ELAVL4: variants seen among roughly 807,000 people sequenced by gnomAD.
ELAVL4 encodes ELAV-like protein 4.
ELAVL4 carries 1 observed loss-of-function variant against 35.6 expected under a neutral mutation model. The ratio of observed to expected loss-of-function variants is 0.03; its 90% CI spans 0.01 to 0.13. The LOEUF is 0.13. ELAVL4 is among the 10% of genes least tolerant of loss of function. ELAVL4 has a pLI of 1.00. For missense variants in ELAVL4, 267 were observed against 464.9 expected (o/e 0.57, Z 3.91); for synonymous variants, 156 against 171.0 (o/e 0.91, Z 0.69).
intron 1 of ELAVL4, among the ~76,000 whole-genome samples, chr1:50,136,879 C>T (rs949583755): frequency 6.6e-6 from 1 of 152,082 alleles, no homozygotes; most frequent in African/African-American, 2.4e-5. Context: ...GTACAAGAAC[C>T]CTGCACTGGG....
chr1:50,089,312 G>GGC (rs1183732504), intron 1 of ELAVL4, among the ~76,000 whole-genome samples: 3 of 152,188 alleles, frequency 2.0e-5, no homozygotes, highest in Non-Finnish European at 4.4e-5. Flanking sequence ...TTAAATTAAA[G>GGC]ATGTAAGGCA....
chr1:50,098,793 C>A (rs1208964603), intron 1 of ELAVL4, among the ~76,000 whole-genome samples: 1 of 152,180 alleles, frequency 6.6e-6, no homozygotes, highest in Non-Finnish European at 1.5e-5. Context: ...ATATAGCATG[C>A]CTCTCTTGTT....
Position 50,201,290 on chromosome 1 carries a change from A to T in ELAVL4, c.*112A>T, listed in dbSNP as rs536486337. The T allele has an allele frequency of 7.6e-7, 1 of 1,319,574 alleles. No homozygotes were observed. Among genetic ancestry groups the T allele is most frequent in the Admixed American group, 3.1e-5 (1 of 32,246 alleles). The allele number at this position is 1,319,574 out of a possible 1,614,324, so 81.7% of individuals were successfully genotyped here. A position where few individuals can be genotyped will look rare whatever the true frequency, so the allele number is the denominator to read the frequency against. On this transcript the variant is annotated 3_prime_UTR_variant, in exon 7 of 7. Transcript: ENST00000371824. The surrounding 1 kb of genome is among the most constrained non-coding windows in gnomAD (Gnocchi z 4.3). ...GAGAAACAAACTTTTCAAGGCTTAT[A>T]TTCAACCATGGACTTTATAAGCCAG...
upstream of ELAVL4, among the ~76,000 whole-genome samples, chr1:50,101,482 T>C (rs906055615): frequency 2.6e-5 from 4 of 152,132 alleles, no homozygotes; most frequent in African/African-American, 9.7e-5. Context: ...TTTAAGAAAA[T>C]TTTTTTAAAG....
At chr1:50,115,451 T>C (rs1173894010) in intron 1 of ELAVL4, among the ~76,000 whole-genome samples, 1 of 152,120 alleles carries the variant, frequency 6.6e-6, no homozygotes, top group African/African-American at 2.4e-5. Context: ...AATATATATG[T>C]CTTAGGTCTC....
chr1:50,173,938 A>G (rs1471055043), intron 2 of ELAVL4, among the ~76,000 whole-genome samples: 1 of 152,214 alleles, frequency 6.6e-6, no homozygotes, highest in Non-Finnish European at 1.5e-5. Context: ...CCCTCCCAGC[A>G]TAGCATTTCT....
intron 1 of ELAVL4, among the ~76,000 whole-genome samples, chr1:50,122,199 G>A (rs1669151667): frequency 1.3e-5 from 2 of 152,042 alleles, no homozygotes. Flanking sequence ...CCATGAAAAT[G>A]TATTAAAGTG....
At chr1:50,113,379 AAAG>A (rs1667407884) in intron 1 of ELAVL4, among the ~76,000 whole-genome samples, 1 of 152,150 alleles carries the variant, frequency 6.6e-6, no homozygotes, top group South Asian at 2.1e-4. Context: ...TTTTTTAAAA[AAAG>A]AAACAAATTG....
intron 5 of ELAVL4, among the ~76,000 whole-genome samples, chr1:50,197,079 T>C (rs1240274191): frequency 6.6e-6 from 1 of 152,206 alleles, no homozygotes; most frequent in East Asian, 1.9e-4. Context: ...AGTTTAATTA[T>C]AGTAAAAAGG....
intron 2 of ELAVL4, among the ~76,000 whole-genome samples, chr1:50,160,572 G>T (rs1000045948): frequency 1.3e-5 from 2 of 152,106 alleles, no homozygotes; most frequent in Non-Finnish European, 2.9e-5. Context: ...GTCCATTTCT[G>T]CATTTCACAC....
At chr1:50,058,369 G>A (rs189629661) in intron 1 of ELAVL4, among the ~76,000 whole-genome samples, 1 of 152,224 alleles carries the variant, frequency 6.6e-6, no homozygotes, top group East Asian at 1.9e-4. Context: ...GACAGGATAG[G>A]ATATATAGGA....
chr1:50,179,734 T>G (rs1680717396), intron 3 of ELAVL4: 1 of 152,170 alleles, frequency 6.6e-6, no homozygotes, highest in African/African-American at 2.4e-5. Context: ...AATTTCCCCC[T>G]CCTTTTCAAA....
intron 2 of ELAVL4, among the ~76,000 whole-genome samples, chr1:50,166,923 T>A (rs547450738): frequency 2.6e-5 from 4 of 152,174 alleles, no homozygotes; most frequent in Admixed American, 1.3e-4. Context: ...TTGTGTCTCC[T>A]GTTGGCAGCG....
intron 2 of ELAVL4, among the ~76,000 whole-genome samples, chr1:50,152,374 C>A (rs550533689): frequency 1.3e-4 from 20 of 151,938 alleles, no homozygotes; most frequent in Non-Finnish European, 2.9e-4. Flanking sequence ...GTTCGTAAGA[C>A]CAATTCCCTG....
intron 1 of ELAVL4, among the ~76,000 whole-genome samples, chr1:50,091,886 C>A (rs928442634): frequency 6.6e-6 from 1 of 152,272 alleles, no homozygotes; most frequent in East Asian, 1.9e-4. Context: ...TTAAGTGGCT[C>A]GCTTAAGGTC....
rs139197593 is a variant in ELAVL4 at position 50,147,587 on chromosome 1, G to A, written c.250+2390G>A. Among the ~76,000 whole-genome samples the A allele has an allele frequency of 2.9e-3, 448 of 152,304 alleles. 4 individuals carry two copies. Among genetic ancestry groups the A allele is most frequent in the African/African-American group, 0.01 (427 of 41,574 alleles). Reference sequence around the variant, plus strand: ...GGTCACAATGCAGGCTGGAAGAGGTGAGGTATATCACACCAGGCAAGTGGA... The same window carrying A: ...GGTCACAATGCAGGCTGGAAGAGGTAAGGTATATCACACCAGGCAAGTGGA... On this transcript the variant is annotated intron_variant, in intron 2 of 6. Transcript: ENST00000371824.
At chr1:50,124,126 G>A (rs9436444) in intron 1 of ELAVL4, among the ~76,000 whole-genome samples, 39,598 of 151,920 alleles carry the variant, frequency 0.26, 5,439 homozygotes, top group East Asian at 0.34. Flanking sequence ...CCCCCTTGTT[G>A]TGAAGACTGG....
At chr1:50,135,417 G>C (rs926997534) in intron 1 of ELAVL4, among the ~76,000 whole-genome samples, 3 of 151,974 alleles carry the variant, frequency 2.0e-5, no homozygotes, top group African/African-American at 7.3e-5. Context: ...CTGAGGAGGG[G>C]GTGTCATTTG....
chr1:50,100,423 A>T (rs965535168), upstream of ELAVL4, among the ~76,000 whole-genome samples: 2 of 152,068 alleles, frequency 1.3e-5, no homozygotes, highest in African/African-American at 4.8e-5. Context: ...GGCTGTCAGT[A>T]TTTCTTTCCT....
Sources: gnomAD v4.1 joint callset for allele counts (sites outside exome capture counted in the v4.1 genomes callset) on GRCh38, gnomAD v4.1.1 for gene constraint, Gnocchi (gnomAD v3.1) non-coding constraint, MANE v1.5 for transcripts, NCBI Gene and HGNC (gene_info 2026-07-23, HGNC 2026-07-21) for gene names.